SLC25A21: variants seen among roughly 807,000 people sequenced by gnomAD.
SLC25A21 encodes the protein solute carrier family 25 member 21.
In SLC25A21, 47 loss-of-function variants were observed where a neutral mutation model predicts 43.8. That is an observed-to-expected ratio of 1.07 (90% CI 0.85 to 1.37). SLC25A21 has a LOEUF of 1.37. SLC25A21 is among the 40% of genes most tolerant of loss of function. The probability of loss-of-function intolerance (pLI) is 0.00; values close to 1 mark genes in which losing one functional copy is unlikely to be tolerated. For synonymous variants in SLC25A21, 131 were observed against 121.3 expected (o/e 1.08, Z -0.52); for missense variants, 352 against 350.2 (o/e 1.00, Z -0.04).
rs55751531 is a variant in SLC25A21, at chr14:36,925,310, G to A, written c.71-50306C>T. Among the ~76,000 whole-genome samples, 1,465 of 152,198 alleles carry A rather than the reference G, an allele frequency of 9.6e-3. 28 individuals are homozygous for A. The highest frequency in any genetic ancestry group is 0.033 in the African/African-American group (1,359 of 41,552). ...AGTGGTTGTCCAATTAAATTAAGAT[G>A]TAAACCCCAATTATATGCTGTCTAG... On this transcript the variant is annotated intron_variant, in intron 1 of 9. Transcript: ENST00000331299.
intron 1 of SLC25A21, among the ~76,000 whole-genome samples, chr14:36,926,309 T>C (rs1892130248): frequency 1.3e-5 from 2 of 152,148 alleles, no homozygotes; most frequent in Non-Finnish European, 2.9e-5. Flanking sequence ...TATTTTTAGC[T>C]GGATGACAAT....
At chr14:37,121,043 G>A (rs1255505623) in intron 1 of SLC25A21, among the ~76,000 whole-genome samples, 1 of 152,094 alleles carries the variant, frequency 6.6e-6, no homozygotes, top group Non-Finnish European at 1.5e-5. Flanking sequence ...TTATGACCAA[G>A]GTCTTTTAAC....
chr14:37,092,934 C>CAG (rs397696250), intron 1 of SLC25A21, among the ~76,000 whole-genome samples: 1 of 151,808 alleles, frequency 6.6e-6, no homozygotes, highest in Non-Finnish European at 1.5e-5. Context: ...CACACACACA[C>CAG]GCACATACGG....
rs541339599 is a variant in SLC25A21, at chr14:36,771,704, G to A, written c.204-37131C>T. Among the ~76,000 whole-genome samples, 39 of 151,752 alleles carry A rather than the reference G, an allele frequency of 2.6e-4. 1 individual carries two copies. In the South Asian group the frequency reaches 4.2e-3, roughly 16 times the overall value. On this transcript the variant is annotated intron_variant, in intron 3 of 9. Coordinates refer to ENST00000331299, the MANE Select transcript of SLC25A21 (RefSeq NM_030631.4). Reference sequence around the variant, plus strand: ...ACAAGCAAAATTTCAAAACATTTGGGGGACTTTTATATAAAGTTGCCAACT... The same window carrying A: ...ACAAGCAAAATTTCAAAACATTTGGAGGACTTTTATATAAAGTTGCCAACT...
Position 37,109,468 on chromosome 14 carries a change from G to A in SLC25A21, c.70+62813C>T, listed in dbSNP as rs147014350. On this transcript the variant is annotated intron_variant, in intron 1 of 9. Transcript: ENST00000331299. Reference sequence around the variant, plus strand: ...AAAATGCCAGATTTGTAGCATTTATGTAATTTCTTTTTTCAGTGAAATTTG... The same window carrying A: ...AAAATGCCAGATTTGTAGCATTTATATAATTTCTTTTTTCAGTGAAATTTG... Among the ~76,000 whole-genome samples, 300 of 152,300 alleles carry A rather than the reference G, an allele frequency of 2.0e-3. 5 individuals are homozygous for A. In the East Asian group the frequency reaches 0.035, roughly 18 times the overall value.
chr14:36,954,786 C>T (rs188201589), intron 1 of SLC25A21, among the ~76,000 whole-genome samples: 2 of 152,062 alleles, frequency 1.3e-5, no homozygotes, highest in Admixed American at 1.3e-4. Context: ...CTTTCCTTTC[C>T]TTCCTCTACC....
At position 36,853,200 on chromosome 14, in the gene SLC25A21, T is replaced by C. The variant is rs114380332; in HGVS notation, c.119+21756A>G. On this transcript the variant is annotated intron_variant, in intron 2 of 9. Coordinates refer to ENST00000331299, the MANE Select transcript of SLC25A21 (RefSeq NM_030631.4). The stretch of plus-strand genomic sequence containing the variant: ...TAAGATATGAATCACATATGCTAGA[T>C]AAGTGTTTTGGCAGGGCCATGCTTC... 1.8e-3 allele frequency among the ~76,000 whole-genome samples: 270 copies of C among 152,344 alleles called. 3 individuals are homozygous for C. The highest frequency in any genetic ancestry group is 6.2e-3 in the African/African-American group (258 of 41,578).
At chr14:37,062,484 T>C (rs10137539) in intron 1 of SLC25A21, among the ~76,000 whole-genome samples, 36,329 of 152,082 alleles carry the variant, frequency 0.24, 4,801 homozygotes, top group Non-Finnish European at 0.29. Flanking sequence ...AAGAACTCTC[T>C]ATTTAATCCA....
intron 1 of SLC25A21, among the ~76,000 whole-genome samples, chr14:37,149,707 A>C (rs2138932273): frequency 6.6e-6 from 1 of 152,312 alleles, no homozygotes; most frequent in East Asian, 1.9e-4. Flanking sequence ...CAAGACTCAA[A>C]AAATAAATAA....
At chr14:36,895,088 T>C (rs1891198477) in intron 1 of SLC25A21, among the ~76,000 whole-genome samples, 1 of 152,220 alleles carries the variant, frequency 6.6e-6, no homozygotes, top group African/African-American at 2.4e-5. Context: ...TCTTTTTCTA[T>C]TGATTGGAAT....
rs563009328 is a variant in SLC25A21 at position 36,780,890 on chromosome 14, C to T, written c.203+33028G>A. ...TAATGTTTCCTTGTTGATTCTTTTT[C>T]TGGATGATCTATCCATTGTTGCAAG... On this transcript the variant is annotated intron_variant, in intron 3 of 9. Coordinates refer to ENST00000331299, the MANE Select transcript of SLC25A21 (RefSeq NM_030631.4). 2.6e-5 allele frequency among the ~76,000 whole-genome samples: 4 copies of T among 152,144 alleles called. No homozygotes were observed. In the South Asian group the frequency reaches 8.3e-4, roughly 32 times the overall value.
chr14:36,831,987 T>C (rs890588843), intron 2 of SLC25A21, among the ~76,000 whole-genome samples: 1 of 152,208 alleles, frequency 6.6e-6, no homozygotes, highest in Non-Finnish European at 1.5e-5. Context: ...GATCAATACA[T>C]AGATATGCTC....
chr14:37,091,332 G>A (rs887505145), intron 1 of SLC25A21, among the ~76,000 whole-genome samples: 1 of 151,910 alleles, frequency 6.6e-6, no homozygotes, highest in African/African-American at 2.4e-5. Context: ...TACTCGGGAG[G>A]CTGAGGCAGG....
At chr14:37,164,905 C>A (rs555550683) in intron 1 of SLC25A21, among the ~76,000 whole-genome samples, 2 of 152,166 alleles carry the variant, frequency 1.3e-5, no homozygotes, top group Non-Finnish European at 2.9e-5. Context: ...TTATTTGACT[C>A]TTTGAAGGTG....
chr14:36,779,188 T>C (rs891970522), intron 3 of SLC25A21, among the ~76,000 whole-genome samples: 4 of 147,056 alleles, frequency 2.7e-5, no homozygotes. Flanking sequence ...ATTCTTTATA[T>C]ATAATATATA....
At chr14:37,096,641 G>A (rs1962699914) in intron 1 of SLC25A21, among the ~76,000 whole-genome samples, 1 of 151,330 alleles carries the variant, frequency 6.6e-6, no homozygotes, top group Non-Finnish European at 1.5e-5. Flanking sequence ...GATCAGTTCT[G>A]TTTCTGAGAC....
At chr14:37,139,376 ATTAAG>A (rs1963534513) in intron 1 of SLC25A21, among the ~76,000 whole-genome samples, 1 of 152,174 alleles carries the variant, frequency 6.6e-6, no homozygotes, top group African/African-American at 2.4e-5. Context: ...CTTTATTGAC[ATTAAG>A]TTAAAATAGT....
intron 1 of SLC25A21, among the ~76,000 whole-genome samples, chr14:37,126,674 G>C (rs1005061194): frequency 2.6e-5 from 4 of 152,020 alleles, no homozygotes; most frequent in Non-Finnish European, 4.4e-5. Context: ...TTCAATTATA[G>C]CAAAAAGCCT....
chr14:36,752,136 T>C (rs1885732819), intron 3 of SLC25A21, among the ~76,000 whole-genome samples: 1 of 152,164 alleles, frequency 6.6e-6, no homozygotes, highest in Non-Finnish European at 1.5e-5. Context: ...TAATGCCAGG[T>C]CAACATTGCT....
Sources: gnomAD v4.1 joint callset for allele counts (sites outside exome capture counted in the v4.1 genomes callset) on GRCh38, gnomAD v4.1.1 for gene constraint, MANE v1.5 for transcripts, NCBI Gene and HGNC (gene_info 2026-07-23, HGNC 2026-07-21) for gene names.